The following NFKBIA variants were observed in gnomAD, a reference collection of about 807,000 sequenced individuals.
NFKBIA encodes the protein NF-kappa-B inhibitor alpha.
Under a neutral mutation model 36.3 loss-of-function variants are expected in NFKBIA, and 10 were observed. The observed-to-expected ratio is 0.28, with a 90% CI of 0.17 to 0.47. NFKBIA has a LOEUF of 0.47. Ranked by LOEUF, NFKBIA falls within the 20% of genes least tolerant of loss-of-function variation. The pLI is 0.99. For missense variants in NFKBIA, 355 were observed against 399.3 expected, an observed-to-expected ratio of 0.89 and a Z score of 0.94; for synonymous variants, 205 against 164.4, an observed-to-expected ratio of 1.25 and a Z score of -1.89.
rs549619097 is a variant in NFKBIA at position 35,404,249 on chromosome 14, T to G, written c.227+169A>C. 1,116 of 373,768 alleles carry G rather than the reference T, an allele frequency of 3.0e-3. 9 individuals are homozygous for G. Among genetic ancestry groups the G allele is most frequent in the African/African-American group, 0.023 (1,037 of 45,820 alleles). 23.2% of individuals were successfully genotyped at this position (373,768 alleles called of 1,614,324 possible). ...GTTGGGCCGGTGCCCCGCGCGGCCC[T>G]GCAGCCCTGCAGCGTTCGGGGCGGT... is the stretch of plus-strand genomic sequence containing the variant. On this transcript the variant is annotated intron_variant, in intron 1 of 5. Transcript: ENST00000216797.
At position 35,403,258 on chromosome 14, in the gene NFKBIA, G is replaced by A; in HGVS notation, c.439C>T (p.Pro147Ser). Residue 147 changes from proline to serine, a missense_variant, in exon 3 of 6, where the codon CCC (proline) becomes TCC (serine). Physicochemically the swap from Pro to Ser is moderately conservative, Grantham distance 74 (BLOSUM62 -1). Coordinates refer to ENST00000216797, the MANE Select transcript of NFKBIA (RefSeq NM_020529.3). ...CCCTGCTCACAGGCAAGGTGTAGGG[G>A]GGTATTTCCTCGAAAGTCTCGGAGC... ...PELRDFRGNT[P>S]LHLACEQGCL... 8.1e-6 allele frequency: 13 copies of A among 1,613,592 alleles called. No individual in the cohort carries two copies. Among genetic ancestry groups the A allele is most frequent in the Non-Finnish European group, 1.0e-5 (12 of 1,180,020 alleles).
Position 35,403,768 on chromosome 14 carries a change from T to C in NFKBIA, c.258A>G (p.Glu86=). The stretch of plus-strand genomic sequence containing the variant: ...GGATCACTTCCATGGTCAGTGCCTT[T>C]TCTTCATGGATGATGGCCAAGTGCA... ...SFLHLAIIHE[E]KALTMEVIRQ... The change falls in exon 2 of 6, where the codon GAA becomes GAG. Residue 86 remains glutamate, a synonymous_variant. Transcript: ENST00000216797. 1 of 1,614,008 alleles carries C rather than the reference T, an allele frequency of 6.2e-7. No homozygotes were observed. The highest frequency in any genetic ancestry group is 8.5e-7 in the Non-Finnish European group (1 of 1,179,958).
chr14:35,404,659 G>GCGGGCGCTGCTGCGGGTGCGCT lies in NFKBIA; in HGVS notation c.-37_-16dup. 1 of 1,460,514 alleles carries GCGGGCGCTGCTGCGGGTGCGCT rather than the reference G, an allele frequency of 6.8e-7. No individual in the cohort carries two copies. The highest frequency in any genetic ancestry group is 9.1e-7 in the Non-Finnish European group (1 of 1,102,600). 90.5% of individuals were successfully genotyped at this position (1,460,514 alleles called of 1,614,324 possible). The stretch of plus-strand genomic sequence containing the variant: ...GCCTGGAACATGGCGCGGACGAGCT[G>GCGGGCGCTGCTGCGGGTGCGCT]CGGGCGCTGCTGCGGGTGCGCTGGG... On this transcript the variant is annotated 5_prime_UTR_variant, in exon 1 of 6. Transcript: ENST00000216797.
Position 35,401,962 on chromosome 14 carries a change from CTT to C in NFKBIA, c.*49_*50del, listed in dbSNP as rs748787798. ...TTTTTCTTTTTTTAGAAAAATAAAA[CTT>C]TTTTTTTGTACAAATATACAAGTCC... On this transcript the variant is annotated 3_prime_UTR_variant, in exon 6 of 6. Transcript: ENST00000216797. 2 of 1,583,538 alleles carry C rather than the reference CTT, an allele frequency of 1.3e-6. No homozygotes were observed. The highest frequency in any genetic ancestry group is 2.2e-5 in the East Asian group (1 of 44,580).
At chr14:35,404,375 C>G (rs1292739103) in intron 1 of NFKBIA, 43 bp downstream of exon 1, 7 of 1,261,570 alleles carry the variant, frequency 5.5e-6, no homozygotes, top group Non-Finnish European at 7.6e-6. Flanking sequence ...CGCGCGCGTC[C>G]CGCCCTCCCG....
chr14:35,402,074 GAA>G lies in NFKBIA; in HGVS notation c.907-16_907-15del. ...ATCATAGGGCAGCTGAAAACAAGGG[GAA>G]AAAAGACACGTTAAGCTTCCGGAGC... On this transcript the variant is annotated splice_polypyrimidine_tract_variant and intron_variant, in intron 5 of 5. Transcript: ENST00000216797. 1 of 1,614,062 alleles carries G rather than the reference GAA, an allele frequency of 6.2e-7. No homozygotes were observed. The highest frequency in any genetic ancestry group is 8.5e-7 in the Non-Finnish European group (1 of 1,179,984).
chr14:35,404,525 C>G lies in NFKBIA; in HGVS notation c.120G>C (p.Glu40Asp). 3 of 1,604,380 alleles carry G rather than the reference C, an allele frequency of 1.9e-6. No homozygotes were observed. Among genetic ancestry groups the G allele is most frequent in the Non-Finnish European group, 2.6e-6 (3 of 1,175,966 alleles). Reference sequence around the variant, plus strand: ...GCTCCTTGACCATCTGCTCGTACTCCTCGTCTTTCATGGAGTCCAGGCCGC... The same window carrying G: ...GCTCCTTGACCATCTGCTCGTACTCGTCGTCTTTCATGGAGTCCAGGCCGC... ...HDSGLDSMKD[E>D]EYEQMVKELQ... The change falls in exon 1 of 6, where the codon GAG becomes GAC. Residue 40 changes from glutamate to aspartate, a missense_variant. Coordinates refer to ENST00000216797, the MANE Select transcript of NFKBIA (RefSeq NM_020529.3).
chr14:35,402,270 G>T, intron 5 of NFKBIA, 124 bp downstream of exon 5: 2 of 1,067,030 alleles, frequency 1.9e-6, no homozygotes, highest in Non-Finnish European at 2.8e-6. Context: ...TACTGGTTAT[G>T]CACAGAAATT....
chr14:35,404,351 T>G, intron 1 of NFKBIA, 67 bp downstream of exon 1: 10 of 1,049,900 alleles, frequency 9.5e-6, no homozygotes, highest in Non-Finnish European at 1.3e-5. Context: ...GCCCGGCGCC[T>G]CCCACCCCCA....
At chr14:35,403,484 C>T (rs2052750806) in intron 2 of NFKBIA, 124 bp from the exon 3 acceptor site, 26 of 1,098,044 alleles carry the variant, frequency 2.4e-5, no homozygotes, top group Non-Finnish European at 3.3e-5. Context: ...GGAGGGCTGG[C>T]AAATAGCAGA....
chr14:35,402,877 A>G lies in NFKBIA; in HGVS notation c.548-18T>C. The G allele has an allele frequency of 1.2e-6, 2 of 1,610,210 alleles. No individual in the cohort carries two copies. Among genetic ancestry groups the G allele is most frequent in the East Asian group, 2.2e-5 (1 of 44,858 alleles). On this transcript the variant is annotated intron_variant, in intron 3 of 5. Coordinates refer to ENST00000216797, the MANE Select transcript of NFKBIA (RefSeq NM_020529.3). ...CGTGTGGCCTGGAAGAACAAAAGGA[A>G]AAAAGTATAACCACCTGTTTCAACC...
rs2138829689 is a variant in NFKBIA, at chr14:35,402,032, C to T, written c.935G>A (p.Gly312Asp). 6.2e-7 allele frequency: 1 copy of T among 1,614,012 alleles called. No homozygotes were observed. The highest frequency in any genetic ancestry group is 8.5e-7 in the Non-Finnish European group (1 of 1,180,010). ...ELPYDDCVFGGQRLTL is the reference protein window; with the variant it reads ...ELPYDDCVFGDQRLTL ...TTGCGCTCATAACGTCAGACGCTGGCCTCCAAACACACAGTCATCATAGGG... is the reference window on the plus strand; with the variant it reads ...TTGCGCTCATAACGTCAGACGCTGGTCTCCAAACACACAGTCATCATAGGG... Residue 312 changes from glycine (G) to aspartate (D), a missense_variant, in exon 6 of 6, where the codon GGC becomes GAC. Physicochemically the swap from Gly to Asp is moderately conservative, Grantham distance 94. Transcript: ENST00000216797.
Position 35,404,545 on chromosome 14 carries a change from G to A in NFKBIA, c.100C>T (p.Leu34=). The A allele has an allele frequency of 6.2e-7, 1 of 1,600,652 alleles. No homozygotes were observed. The highest frequency in any genetic ancestry group is 8.5e-7 in the Non-Finnish European group (1 of 1,174,540). ...TACTCCTCGTCTTTCATGGAGTCCAGGCCGCTGTCGTGGCGGTCGTCCAGT... is the reference window on the plus strand; with the variant it reads ...TACTCCTCGTCTTTCATGGAGTCCAAGCCGCTGTCGTGGCGGTCGTCCAGT... ...RLLDDRHDSG[L]DSMKDEEYEQ... The change falls in exon 1 of 6, where the codon CTG becomes TTG. Residue 34 remains leucine, a synonymous_variant. Coordinates refer to ENST00000216797, the MANE Select transcript of NFKBIA (RefSeq NM_020529.3).
chr14:35,403,815 G>GAAAAACC lies in NFKBIA; in HGVS notation c.228-24_228-18dup. 6.3e-7 allele frequency: 1 copy of GAAAAACC among 1,593,152 alleles called. No individual in the cohort carries two copies. The highest frequency in any genetic ancestry group is 8.6e-7 in the Non-Finnish European group (1 of 1,163,200). On this transcript the variant is annotated splice_polypyrimidine_tract_variant and intron_variant, in intron 1 of 5. Transcript: ENST00000216797. Reference sequence around the variant, plus strand: ...TGCAGGAACCTGTGGGGAAGAGAGGGAAAAACCCCAGGGGTGGTGAGTGCA... The same window carrying GAAAAACC: ...TGCAGGAACCTGTGGGGAAGAGAGGGAAAAACCAAAAACCCCAGGGGTGGTGAGTGCA...
rs1278318699 is a variant in NFKBIA at position 35,401,945 on chromosome 14, T to C, written c.*68A>G. The C allele has an allele frequency of 3.2e-6, 5 of 1,583,240 alleles. No homozygotes were observed. Among genetic ancestry groups the C allele is most frequent in the Middle Eastern group, 2.0e-4 (1 of 4,962 alleles). ...TTTAAATTTTTTCTTCTTTTTTCTT[T>C]TTTTAGAAAAATAAAACTTTTTTTT... On this transcript the variant is annotated 3_prime_UTR_variant, in exon 6 of 6. Coordinates refer to ENST00000216797, the MANE Select transcript of NFKBIA (RefSeq NM_020529.3).
intron 2 of NFKBIA, 98 bp from the exon 3 acceptor site, chr14:35,403,458 C>A (rs2052750404): frequency 5.9e-6 from 8 of 1,351,604 alleles, no homozygotes; most frequent in Non-Finnish European, 8.4e-6. Context: ...GCTGCTCCTC[C>A]TAGACAGGGG....
rs748246171 is a variant in NFKBIA at position 35,403,381 on chromosome 14, A to G, written c.337-21T>C. 19 of 1,613,040 alleles carry G rather than the reference A, an allele frequency of 1.2e-5. No homozygotes were observed. The South Asian group carries it at 1.4e-4, about 12-fold the overall frequency. ...GGAGTCTACGAATGCAAGAGAGACC[A>G]GAGAAAGTAAGCCATGGACCAAACC... On this transcript the variant is annotated intron_variant, in intron 2 of 5. Transcript: ENST00000216797.
At chr14:35,404,372 GTCC>G in intron 1 of NFKBIA, 43 bp downstream of exon 1, 1 of 829,718 alleles carries the variant, frequency 1.2e-6, no homozygotes, top group Non-Finnish European at 1.8e-6. Context: ...GGCCGCGCGC[GTCC>G]CGCCCTCCCG....
chr14:35,403,951 G>A, intron 1 of NFKBIA, 153 bp from the exon 2 acceptor site: 1 of 681,598 alleles, frequency 1.5e-6, no homozygotes, highest in Non-Finnish European at 2.7e-6. Flanking sequence ...GAGTGTTCCT[G>A]GCAGGCGCCC....
Sources: allele counts gnomAD v4.1 joint callset, GRCh38; gene constraint gnomAD v4.1.1; transcripts MANE v1.5; gene names NCBI Gene and HGNC (gene_info 2026-07-23, HGNC 2026-07-21).